The following TMEM232 variants were observed in gnomAD, a reference collection of about 807,000 sequenced individuals.
TMEM232 encodes the protein transmembrane protein 232.
TMEM232 carries 80 observed loss-of-function variants against 78.8 expected under a neutral mutation model. That is an observed-to-expected ratio of 1.01 (90% CI 0.85 to 1.22). The LOEUF (loss-of-function observed/expected upper bound fraction) is 1.22. TMEM232 is among the 50% of genes most tolerant of loss of function. The pLI, the probability that TMEM232 is intolerant of heterozygous loss-of-function variation, is 0.00. For synonymous variants in TMEM232, 297 were observed against 254.3 expected (o/e 1.17, Z -1.60); for missense variants, 881 against 742.2 (o/e 1.19, Z -2.17).
At chr5:110,489,002 C>G (rs920728855) in intron 12 of TMEM232, among the ~76,000 whole-genome samples, 2 of 151,402 alleles carry the variant, frequency 1.3e-5, no homozygotes, top group Admixed American at 6.6e-5. Flanking sequence ...GAAAATGACA[C>G]GAAAAGAAAT....
chr5:110,665,446 G>C (rs1168810582), intron 2 of TMEM232, among the ~76,000 whole-genome samples: 2 of 151,976 alleles, frequency 1.3e-5, no homozygotes, highest in Admixed American at 6.6e-5. Context: ...TCACAGTTCC[G>C]CATGGCTGGG....
chr5:110,423,809 GTA>G (rs57852627), intron 13 of TMEM232, among the ~76,000 whole-genome samples: 18 of 148,672 alleles, frequency 1.2e-4, no homozygotes, highest in African/African-American at 2.3e-4. Flanking sequence ...GTGTGTGTGT[GTA>G]TGTGTATGTG....
intron 2 of TMEM232, among the ~76,000 whole-genome samples, chr5:110,402,860 T>C (rs1039823818): frequency 4.6e-5 from 7 of 151,976 alleles, no homozygotes; most frequent in African/African-American, 1.7e-4. Flanking sequence ...GAGGTAATTC[T>C]TTAAAAGAAA....
At chr5:110,509,021 CAATT>C (rs1272071745) in intron 12 of TMEM232, among the ~76,000 whole-genome samples, 2 of 134,890 alleles carry the variant, frequency 1.5e-5, no homozygotes, top group Admixed American at 1.5e-4. Context: ...TATATATATA[CAATT>C]ATATATACAC....
At chr5:110,457,368 C>A (rs1054372252) in intron 12 of TMEM232, among the ~76,000 whole-genome samples, 5 of 152,042 alleles carry the variant, frequency 3.3e-5, no homozygotes, top group Non-Finnish European at 7.4e-5. Context: ...AAAATACTGA[C>A]AATACCAAGT....
intron 1 of TMEM232, among the ~76,000 whole-genome samples, chr5:110,715,356 G>C (rs1054785545): frequency 2.0e-5 from 3 of 152,036 alleles, no homozygotes; most frequent in Admixed American, 2.0e-4. Context: ...CAAAAGTATA[G>C]AGACTAAATG....
chr5:110,709,760 A>G (rs188520491), intron 1 of TMEM232, among the ~76,000 whole-genome samples: 1 of 152,188 alleles, frequency 6.6e-6, no homozygotes, highest in East Asian at 1.9e-4. Context: ...ATTTATTGCT[A>G]TAAATGGCTA....
At chr5:110,478,142 G>T (rs1382345186) in intron 12 of TMEM232, among the ~76,000 whole-genome samples, 1 of 151,810 alleles carries the variant, frequency 6.6e-6, no homozygotes, top group African/African-American at 2.4e-5. Context: ...TGTATCCCAC[G>T]CTATGAATTT....
upstream of TMEM232, chr5:110,738,786 AG>A (rs1454514407): frequency 2.5e-6 from 1 of 398,612 alleles, no homozygotes; most frequent in Non-Finnish European, 4.4e-6. Flanking sequence ...CCTCCCATGC[AG>A]GCCCTATTCC....
intron 2 of TMEM232, among the ~76,000 whole-genome samples, chr5:110,399,568 T>G (rs935866206): frequency 6.6e-6 from 1 of 152,082 alleles, no homozygotes; most frequent in Non-Finnish European, 1.5e-5. Context: ...CTACACTCCT[T>G]ACTACACCTC....
At chr5:110,536,452 T>C (rs1463802362) in intron 11 of TMEM232, among the ~76,000 whole-genome samples, 2 of 152,230 alleles carry the variant, frequency 1.3e-5, no homozygotes, top group African/African-American at 4.8e-5. Context: ...TTTCTGATTA[T>C]AGTCCCTGAT....
At chr5:110,643,298 T>C (rs962964930) in intron 2 of TMEM232, among the ~76,000 whole-genome samples, 2 of 151,952 alleles carry the variant, frequency 1.3e-5, no homozygotes, top group East Asian at 1.9e-4. Flanking sequence ...CAAGTGGAGA[T>C]GGAGTGTAAG....
At chr5:110,618,587 G>T in intron 7 of TMEM232, 25 bp from the exon 8 acceptor site, 1 of 1,522,058 alleles carries the variant, frequency 6.6e-7, no homozygotes, top group Non-Finnish European at 8.8e-7. Context: ...AATGTTTCAG[G>T]AATTAAAATA....
chr5:110,407,310 T>C (rs1394745526), intron 2 of TMEM232, among the ~76,000 whole-genome samples: 1 of 152,048 alleles, frequency 6.6e-6, no homozygotes, highest in Non-Finnish European at 1.5e-5. Flanking sequence ...CCCACATATG[T>C]AGACTAAATG....
chr5:110,406,395 C>T (rs1373963910), intron 2 of TMEM232, among the ~76,000 whole-genome samples: 2 of 151,528 alleles, frequency 1.3e-5, no homozygotes, highest in African/African-American at 4.8e-5. Flanking sequence ...GTGAATAGTG[C>T]TGCAATAAAG....
intron 12 of TMEM232, among the ~76,000 whole-genome samples, chr5:110,463,778 C>T (rs958642233): frequency 1.3e-5 from 2 of 152,182 alleles, no homozygotes; most frequent in Non-Finnish European, 2.9e-5. Context: ...TCTAATTTCA[C>T]TTCTCCTGCC....
intron 12 of TMEM232, among the ~76,000 whole-genome samples, chr5:110,451,115 G>A (rs1760226691): frequency 6.6e-6 from 1 of 152,146 alleles, no homozygotes; most frequent in Non-Finnish European, 1.5e-5. Flanking sequence ...TCAAGACACT[G>A]CTAGTTTAGG....
rs559034087 is a variant in TMEM232, at chr5:110,519,601, T to C, written c.1703+8987A>G. Among the ~76,000 whole-genome samples the C allele has an allele frequency of 2.6e-5, 4 of 151,908 alleles. No individual in the cohort carries two copies. In the East Asian group the frequency reaches 5.8e-4, roughly 22 times the overall value. The stretch of plus-strand genomic sequence containing the variant: ...AAACAAAAACAAAACCACTGTATGT[T>C]TCATCAATCCCACTGTTGGGCATAT... On this transcript the variant is annotated intron_variant, in intron 12 of 13. Coordinates refer to ENST00000455884, the MANE Select transcript of TMEM232 (RefSeq NM_001039763.4).
intron 12 of TMEM232, among the ~76,000 whole-genome samples, chr5:110,438,391 C>T (rs998301386): frequency 6.6e-6 from 1 of 151,766 alleles, no homozygotes; most frequent in South Asian, 2.1e-4. Context: ...CAGGTCCCAG[C>T]GAAGGGCCAC....
Sources: allele counts gnomAD v4.1 joint callset (sites outside exome capture counted in the v4.1 genomes callset), GRCh38; gene constraint gnomAD v4.1.1; transcripts MANE v1.5; gene names NCBI Gene and HGNC (gene_info 2026-07-23, HGNC 2026-07-21).